NOS1AP: variants seen among roughly 807,000 people sequenced by gnomAD.
The protein encoded by NOS1AP is nitric oxide synthase 1 adaptor protein, also known as carboxyl-terminal PDZ ligand of neuronal nitric oxide synthase protein.
A neutral mutation model predicts 56.2 loss-of-function variants in NOS1AP; 21 were observed. That is an observed-to-expected ratio of 0.37 (90% CI 0.26 to 0.54). The LOEUF is 0.54. Ranked by LOEUF, NOS1AP falls within the 20% of genes least tolerant of loss-of-function variation. The pLI, the probability that NOS1AP is intolerant of heterozygous loss-of-function variation, is 0.84. For synonymous variants in NOS1AP, 270 were observed against 274.6 expected (o/e 0.98, Z 0.17); for missense variants, 522 against 657.8 (o/e 0.79, Z 2.26).
At chr1:162,244,570 T>G (rs1396824801) in intron 2 of NOS1AP, among the ~76,000 whole-genome samples, 1 of 152,208 alleles carries the variant, frequency 6.6e-6, no homozygotes, top group Non-Finnish European at 1.5e-5. Flanking sequence ...GAGCTAGGAA[T>G]AGAACCCAGG....
chr1:162,087,301 C>T (rs1692025851), intron 1 of NOS1AP, among the ~76,000 whole-genome samples: 2 of 152,158 alleles, frequency 1.3e-5, no homozygotes, highest in South Asian at 4.1e-4. Flanking sequence ...GAAGCATACA[C>T]TTGAGGCTGC....
chr1:162,189,762 G>A (rs979399635), intron 2 of NOS1AP, among the ~76,000 whole-genome samples: 3 of 152,204 alleles, frequency 2.0e-5, no homozygotes, highest in Non-Finnish European at 4.4e-5. Flanking sequence ...GTGACGGAGA[G>A]TGATTCTGGG....
chr1:162,204,374 C>T (rs1277713770), intron 2 of NOS1AP, among the ~76,000 whole-genome samples: 2 of 152,224 alleles, frequency 1.3e-5, no homozygotes, highest in African/African-American at 4.8e-5. Flanking sequence ...CTATTTTTGT[C>T]AGTCTTTTGG....
At chr1:162,311,070 CCCTT>C (rs1228891740) in intron 4 of NOS1AP, among the ~76,000 whole-genome samples, 2 of 152,042 alleles carry the variant, frequency 1.3e-5, no homozygotes, top group Admixed American at 1.3e-4. Flanking sequence ...TGTTAACCCT[CCCTT>C]TCTTCCAAAG....
intron 2 of NOS1AP, among the ~76,000 whole-genome samples, chr1:162,196,486 C>G (rs1360839642): frequency 6.6e-6 from 1 of 152,196 alleles, no homozygotes; most frequent in Admixed American, 6.5e-5. Context: ...ATAGTAGATG[C>G]TTTGTTAATG....
chr1:162,239,678 A>G (rs1653420464), intron 2 of NOS1AP, among the ~76,000 whole-genome samples: 1 of 152,152 alleles, frequency 6.6e-6, no homozygotes, highest in Non-Finnish European at 1.5e-5. Context: ...CTGGGGATGT[A>G]CCTGGAGGAG....
intron 2 of NOS1AP, among the ~76,000 whole-genome samples, chr1:162,285,542 T>C (rs1358573942): frequency 6.6e-6 from 1 of 152,210 alleles, no homozygotes; most frequent in Non-Finnish European, 1.5e-5. Context: ...TTGTGGCTGC[T>C]GACCTAGAGA....
At chr1:162,344,096 G>T in intron 6 of NOS1AP, 120 bp downstream of exon 6, 1 of 1,113,200 alleles carries the variant, frequency 9.0e-7, no homozygotes, top group Non-Finnish European at 1.3e-6. Flanking sequence ...TATTTTTTCC[G>T]TTTCTCTCTA....
At chr1:162,211,696 C>T (rs1232933602) in intron 2 of NOS1AP, among the ~76,000 whole-genome samples, 1 of 151,940 alleles carries the variant, frequency 6.6e-6, no homozygotes, top group Non-Finnish European at 1.5e-5. Context: ...GTGTTTTTTT[C>T]TTGACTGTTT....
Position 162,339,148 on chromosome 1 carries a change from C to T in NOS1AP, c.454-4687C>T, listed in dbSNP as rs192143347. Among the ~76,000 whole-genome samples, 99 of 152,286 alleles carry T rather than the reference C, an allele frequency of 6.5e-4. 1 individual carries two copies. Among genetic ancestry groups the T allele is most frequent in the African/African-American group, 2.4e-3 (98 of 41,562 alleles). ...CACAAAATTGCCTGTAGTTGACACT[C>T]CCATGAGCAGGCTCTCCATCTGGAG... On this transcript the variant is annotated intron_variant, in intron 5 of 9. Transcript: ENST00000361897.
intron 4 of NOS1AP, among the ~76,000 whole-genome samples, chr1:162,315,279 A>G (rs1656193905): frequency 1.3e-5 from 2 of 152,120 alleles, no homozygotes; most frequent in South Asian, 2.1e-4. Context: ...TGCCTGACAA[A>G]CCTTTAATAT....
intron 9 of NOS1AP, 151 bp downstream of exon 9, chr1:162,365,720 A>G (rs1658065231): frequency 3.2e-6 from 3 of 947,096 alleles, no homozygotes; most frequent in Non-Finnish European, 4.9e-6. Context: ...TCCCATTAGT[A>G]TACTTAATGA....
At chr1:162,324,235 G>A (rs1912438) in intron 4 of NOS1AP, among the ~76,000 whole-genome samples, 97 of 152,238 alleles carry the variant, frequency 6.4e-4, no homozygotes, top group African/African-American at 2.1e-3. Flanking sequence ...CTACATGTAT[G>A]AACTCAGATA....
At chr1:162,199,481 G>A (rs993134366) in intron 2 of NOS1AP, among the ~76,000 whole-genome samples, 2 of 152,220 alleles carry the variant, frequency 1.3e-5, no homozygotes, top group African/African-American at 4.8e-5. Context: ...GAGGGATGTA[G>A]AGGTATGTGT....
At position 162,367,517 on chromosome 1, in the gene NOS1AP, T is replaced by A; in HGVS notation, c.*50T>A. ...CGGCGGCGTGGCTGGAGGGGCCGTGTCTGGCTGCTGCCCGGGTAGGGGATG... is the reference window on the plus strand; with the variant it reads ...CGGCGGCGTGGCTGGAGGGGCCGTGACTGGCTGCTGCCCGGGTAGGGGATG... On this transcript the variant is annotated 3_prime_UTR_variant, in exon 10 of 10. Coordinates refer to ENST00000361897, the MANE Select transcript of NOS1AP (RefSeq NM_014697.3). This position sits in a 1 kb window ranked among gnomAD's most constrained non-coding sequence, Gnocchi z 6.5. 2 of 1,502,890 alleles carry A rather than the reference T, an allele frequency of 1.3e-6. No homozygotes were observed. The highest frequency in any genetic ancestry group is 1.8e-6 in the Non-Finnish European group (2 of 1,124,762). 93.1% of individuals were successfully genotyped at this position (1,502,890 alleles called of 1,614,324 possible).
At chr1:162,192,616 C>T (rs1651681443) in intron 2 of NOS1AP, among the ~76,000 whole-genome samples, 1 of 152,194 alleles carries the variant, frequency 6.6e-6, no homozygotes, top group South Asian at 2.1e-4. Context: ...CTGGCCTGTG[C>T]CTCAGTGGGC....
chr1:162,357,901 A>G (rs973652978), intron 8 of NOS1AP, among the ~76,000 whole-genome samples: 1 of 148,572 alleles, frequency 6.7e-6, no homozygotes, highest in Non-Finnish European at 1.5e-5. Context: ...GGGAAGTCTG[A>G]GCTCCCTCTC....
intron 8 of NOS1AP, 199 bp from the exon 9 acceptor site, chr1:162,365,205 A>C (rs1571249236): frequency 6.9e-7 from 1 of 1,449,032 alleles, no homozygotes; most frequent in East Asian, 2.5e-5. Context: ...ACAGCTTCGC[A>C]GTGCCAGTGA....
intron 1 of NOS1AP, among the ~76,000 whole-genome samples, chr1:162,138,502 T>G (rs1571052147): frequency 6.6e-6 from 1 of 152,186 alleles, no homozygotes; most frequent in Admixed American, 6.5e-5. Flanking sequence ...TTCATTTGGT[T>G]CCCCAGATCC....
Sources: gnomAD v4.1 joint callset for allele counts (sites outside exome capture counted in the v4.1 genomes callset) on GRCh38, gnomAD v4.1.1 for gene constraint, Gnocchi (gnomAD v3.1) non-coding constraint, MANE v1.5 for transcripts, NCBI Gene and HGNC (gene_info 2026-07-23, HGNC 2026-07-21) for gene names.